Variants in TRAPPC9 observed in about 807,000 individuals in gnomAD.
The protein encoded by TRAPPC9 is trafficking protein particle complex subunit 9, also known as IKK2 binding protein.
TRAPPC9 carries 83 observed loss-of-function variants against 124.0 expected under a neutral mutation model. The ratio of observed to expected loss-of-function variants is 0.67; its 90% CI spans 0.56 to 0.80. TRAPPC9 has a LOEUF of 0.80. TRAPPC9 is among the 30% of genes least tolerant of loss of function. TRAPPC9 has a pLI of 0.00. For missense variants in TRAPPC9, 1,302 were observed against 1,508.3 expected (o/e 0.86, Z 2.27); for synonymous variants, 638 against 617.5 (o/e 1.03, Z -0.49).
intron 17 of TRAPPC9, among the ~76,000 whole-genome samples, chr8:140,181,653 G>A (rs535595684): frequency 1.2e-4 from 18 of 152,002 alleles, no homozygotes; most frequent in Non-Finnish European, 2.6e-4. Flanking sequence ...GCTTGCTTTT[G>A]TCTCATACTT....
intron 7 of TRAPPC9, among the ~76,000 whole-genome samples, chr8:140,389,395 G>C (rs1396299327): frequency 6.6e-6 from 1 of 152,190 alleles, no homozygotes; most frequent in Non-Finnish European, 1.5e-5. Context: ...TCCCTCATAG[G>C]GGGGGTTATG....
chr8:139,845,471 T>C (rs1827015379), intron 21 of TRAPPC9, among the ~76,000 whole-genome samples: 1 of 152,224 alleles, frequency 6.6e-6, no homozygotes, highest in African/African-American at 2.4e-5. Context: ...AACCCCAATA[T>C]TTAGCTGGGC....
chr8:140,407,047 T>C (rs2069519790), intron 5 of TRAPPC9, among the ~76,000 whole-genome samples: 1 of 152,186 alleles, frequency 6.6e-6, no homozygotes, highest in African/African-American at 2.4e-5. Context: ...AAAAGCGACA[T>C]TTTTTCACAC....
chr8:140,146,552 T>A (rs538934016), intron 17 of TRAPPC9, among the ~76,000 whole-genome samples: 1 of 152,178 alleles, frequency 6.6e-6, no homozygotes, highest in Admixed American at 6.5e-5. Context: ...ACTTTATGTA[T>A]CTCCATTTTT....
chr8:140,283,396 G>A (rs1388054536), intron 14 of TRAPPC9, among the ~76,000 whole-genome samples: 12 of 140,878 alleles, frequency 8.5e-5, no homozygotes, highest in South Asian at 2.3e-4. Context: ...CTGGGTTCAC[G>A]CCATTCTCCT....
At chr8:140,343,337 C>A (rs1382941303) in intron 9 of TRAPPC9, among the ~76,000 whole-genome samples, 1 of 152,164 alleles carries the variant, frequency 6.6e-6, no homozygotes, top group African/African-American at 2.4e-5. Context: ...CGGCATTTTT[C>A]TTTTCATTAA....
At chr8:139,994,458 C>T (rs1275349113) in intron 18 of TRAPPC9, among the ~76,000 whole-genome samples, 2 of 152,202 alleles carry the variant, frequency 1.3e-5, no homozygotes, top group Non-Finnish European at 2.9e-5. Context: ...CCATAGCCAC[C>T]CAAACCTACA....
At chr8:139,909,365 C>T (rs1373315153) in intron 20 of TRAPPC9, among the ~76,000 whole-genome samples, 1 of 152,214 alleles carries the variant, frequency 6.6e-6, no homozygotes, top group South Asian at 2.1e-4. Context: ...TCCTTGAATG[C>T]CCCCACCCAG....
chr8:140,167,822 T>C (rs1301253494), intron 17 of TRAPPC9, among the ~76,000 whole-genome samples: 2 of 152,202 alleles, frequency 1.3e-5, no homozygotes, highest in African/African-American at 2.4e-5. Context: ...AGTAATTAAA[T>C]GGGAACATCT....
At chr8:140,163,654 G>T (rs997602103) in intron 17 of TRAPPC9, among the ~76,000 whole-genome samples, 1 of 152,190 alleles carries the variant, frequency 6.6e-6, no homozygotes, top group Non-Finnish European at 1.5e-5. Context: ...CCAGAAATCA[G>T]TTCAGCCTGA....
chr8:140,374,815 T>A lies in TRAPPC9; in HGVS notation c.1135-3635A>T, dbSNP rs181803348. Among the ~76,000 whole-genome samples the A allele has an allele frequency of 8.5e-5, 13 of 152,290 alleles. No homozygotes were observed. The East Asian group carries it at 1.5e-3, about 18-fold the overall frequency. On this transcript the variant is annotated intron_variant, in intron 7 of 22. Coordinates refer to ENST00000438773, the MANE Select transcript of TRAPPC9 (RefSeq NM_001160372.4). ...GAAGGTCACATGCCTTGGCCACCAATGCGTTAGAACTCCCATTGATTCTTT... is the reference window on the plus strand; with the variant it reads ...GAAGGTCACATGCCTTGGCCACCAAAGCGTTAGAACTCCCATTGATTCTTT...
chr8:140,154,207 C>T (rs959298285), intron 17 of TRAPPC9, among the ~76,000 whole-genome samples: 8 of 152,196 alleles, frequency 5.3e-5, no homozygotes, highest in African/African-American at 9.7e-5. Flanking sequence ...CCCCATCCAA[C>T]GCCCAGGCCA....
chr8:139,910,244 TC>T lies in TRAPPC9; in HGVS notation c.2866del (p.Glu956ArgfsTer36). 6.2e-7 allele frequency: 1 copy of T among 1,614,078 alleles called. No homozygotes were observed. Among genetic ancestry groups the T allele is most frequent in the Non-Finnish European group, 8.5e-7 (1 of 1,180,006 alleles). On this transcript the variant is annotated frameshift_variant, in exon 20 of 23. Coordinates refer to ENST00000438773, the MANE Select transcript of TRAPPC9 (RefSeq NM_001160372.4). LOFTEE classifies it high-confidence loss of function. ...NFESFPESPG[E>X]KGQFANPKQL... The stretch of plus-strand genomic sequence containing the variant: ...CTTGGGGTTTGCAAATTGCCCCTTC[TC>T]CCCAGGGGACTCCGGGAAACTCTCA...
At chr8:140,437,779 T>C (rs2070872927) in intron 3 of TRAPPC9, among the ~76,000 whole-genome samples, 1 of 152,154 alleles carries the variant, frequency 6.6e-6, no homozygotes, top group African/African-American at 2.4e-5. Flanking sequence ...AAGAACCCTG[T>C]TTTAGTCCTT....
intron 17 of TRAPPC9, among the ~76,000 whole-genome samples, chr8:140,065,261 T>C (rs1012573415): frequency 6.6e-6 from 1 of 152,192 alleles, no homozygotes; most frequent in Non-Finnish European, 1.5e-5. Context: ...CAGAGGTTGG[T>C]TCATGAGGTT....
intron 19 of TRAPPC9, among the ~76,000 whole-genome samples, chr8:139,922,715 A>C (rs1345166234): frequency 1.3e-5 from 2 of 152,202 alleles, no homozygotes; most frequent in Non-Finnish European, 2.9e-5. Flanking sequence ...CAGGACCCAG[A>C]TCTGAGGTTC....
intron 21 of TRAPPC9, among the ~76,000 whole-genome samples, chr8:139,807,809 T>C (rs1339347252): frequency 6.6e-6 from 1 of 151,936 alleles, no homozygotes; most frequent in Non-Finnish European, 1.5e-5. Context: ...ATCAGATAAA[T>C]AAAAAAATAT....
intron 17 of TRAPPC9, among the ~76,000 whole-genome samples, chr8:140,051,631 C>A (rs1842014294): frequency 8.9e-6 from 1 of 111,876 alleles, no homozygotes; most frequent in East Asian, 2.9e-4. Context: ...ATAGCAAATA[C>A]AAAGCACATT....
At chr8:139,813,125 G>A (rs372673599) in intron 21 of TRAPPC9, among the ~76,000 whole-genome samples, 38 of 152,340 alleles carry the variant, frequency 2.5e-4, no homozygotes, top group African/African-American at 5.0e-4. Context: ...CTGTGCTGCC[G>A]GTCTCCCTGT....
Sources: gnomAD v4.1 joint callset for allele counts (sites outside exome capture counted in the v4.1 genomes callset) on GRCh38, gnomAD v4.1.1 for gene constraint, MANE v1.5 for transcripts, NCBI Gene and HGNC (gene_info 2026-07-23, HGNC 2026-07-21) for gene names.